PLAA: variants seen among roughly 807,000 people sequenced by gnomAD.
PLAA encodes the protein phospholipase A2 activating protein.
Under a neutral mutation model 84.1 loss-of-function variants are expected in PLAA, and 48 were observed. The ratio of observed to expected loss-of-function variants is 0.57; its 90% CI spans 0.45 to 0.73. The LOEUF (loss-of-function observed/expected upper bound fraction) is 0.73, where lower values mean the gene tolerates loss of function less well. PLAA is among the 30% of genes least tolerant of loss of function. PLAA has a pLI of 0.00. For missense variants in PLAA, 903 were observed against 954.7 expected, an observed-to-expected ratio of 0.95 and a Z score of 0.71; for synonymous variants, 392 against 336.6, an observed-to-expected ratio of 1.16 and a Z score of -1.80.
intron 1 of PLAA, among the ~76,000 whole-genome samples, chr9:26,943,187 G>C (rs889589221): frequency 5.3e-5 from 8 of 152,134 alleles, no homozygotes; most frequent in Admixed American, 4.6e-4. Flanking sequence ...AGCTTATAGA[G>C]ACCTGAAGTA....
At chr9:26,918,266 T>C (rs1354547739) in intron 9 of PLAA, among the ~76,000 whole-genome samples, 1 of 150,342 alleles carries the variant, frequency 6.7e-6, no homozygotes, top group Non-Finnish European at 1.5e-5. Context: ...CGCACATCCA[T>C]CACACCTGGC....
intron 1 of PLAA, among the ~76,000 whole-genome samples, chr9:26,935,885 A>G (rs900725360): frequency 2.0e-5 from 3 of 151,106 alleles, no homozygotes; most frequent in South Asian, 2.1e-4. Context: ...ATAATTATAT[A>G]TATCAATGAA....
At chr9:26,926,658 A>T in intron 4 of PLAA, 98 bp from the exon 5 acceptor site, 1 of 793,700 alleles carries the variant, frequency 1.3e-6, no homozygotes, top group Non-Finnish European at 1.9e-6. Context: ...AGTGAGTAGT[A>T]AAAATTAATT....
intron 6 of PLAA, among the ~76,000 whole-genome samples, chr9:26,925,378 C>T (rs1396256851): frequency 6.6e-6 from 1 of 152,228 alleles, no homozygotes; most frequent in African/African-American, 2.4e-5. Context: ...AGCATTAGTA[C>T]TCCACCATTT....
chr9:26,925,463 G>A (rs1252712142), intron 6 of PLAA, among the ~76,000 whole-genome samples: 1 of 152,112 alleles, frequency 6.6e-6, no homozygotes, highest in African/African-American at 2.4e-5. Flanking sequence ...AAAAATTTGC[G>A]TATCTTTTCT....
In PLAA at chr9:26,910,339, T is replaced by C; in HGVS notation, c.1656A>G (p.Leu552=). The C allele has an allele frequency of 6.3e-7, 1 of 1,599,308 alleles. No homozygotes were observed. The highest frequency in any genetic ancestry group is 8.6e-7 in the Non-Finnish European group (1 of 1,166,826). The change falls in exon 12 of 14, where the codon TTA becomes TTG. Residue 552 remains leucine (L), a splice_region_variant and synonymous_variant. Coordinates refer to ENST00000397292, the MANE Select transcript of PLAA (RefSeq NM_001031689.3). ...AATAAATTAATTAAAGAAACTTACC[T>C]AATATTTGTGTAGGGTTTGCTTGGT... ...TFDQANPTQI[L]GKLKELNGTA...
In PLAA at chr9:26,903,901, G is replaced by T. The variant is rs1240491932; in HGVS notation, c.*1610C>A. Among the ~76,000 whole-genome samples, 2 of 152,100 alleles carry T rather than the reference G, an allele frequency of 1.3e-5. No individual in the cohort carries two copies. The highest frequency in any genetic ancestry group is 2.4e-5 in the African/African-American group (1 of 41,424). ...AAGGTACCTACTTTTCCTAAATATTGCAATTAAATTATTTGTACTTAAGAA... is the reference window on the plus strand; with the variant it reads ...AAGGTACCTACTTTTCCTAAATATTTCAATTAAATTATTTGTACTTAAGAA... On this transcript the variant is annotated 3_prime_UTR_variant, in exon 14 of 14. Transcript: ENST00000397292.
At chr9:26,934,397 C>T (rs1825287278) in intron 2 of PLAA, among the ~76,000 whole-genome samples, 2 of 151,230 alleles carry the variant, frequency 1.3e-5, no homozygotes, top group South Asian at 2.1e-4. Flanking sequence ...TAAATGCATT[C>T]ATTGCATGAA....
intron 9 of PLAA, among the ~76,000 whole-genome samples, chr9:26,918,651 G>A (rs572426927): frequency 6.6e-6 from 1 of 152,236 alleles, no homozygotes; most frequent in South Asian, 2.1e-4. Flanking sequence ...GAAATGATGA[G>A]AGGAAAACAT....
intron 13 of PLAA, among the ~76,000 whole-genome samples, chr9:26,907,224 A>G (rs768686015): frequency 4.6e-5 from 7 of 152,044 alleles, no homozygotes; most frequent in Non-Finnish European, 8.8e-5. Context: ...CCAGGAATCC[A>G]CAAATGCTCT....
intron 1 of PLAA, among the ~76,000 whole-genome samples, chr9:26,937,276 G>A (rs1022956375): frequency 1.3e-5 from 2 of 152,122 alleles, no homozygotes; most frequent in Non-Finnish European, 1.5e-5. Flanking sequence ...GAAAGTGCAT[G>A]CCCAGGGAAA....
At chr9:26,944,180 G>A (rs1400381875) in intron 1 of PLAA, among the ~76,000 whole-genome samples, 3 of 152,144 alleles carry the variant, frequency 2.0e-5, no homozygotes. Context: ...TGCGCCTCTT[G>A]CTGTGTGCTC....
chr9:26,911,531 G>A (rs10812497), intron 11 of PLAA, among the ~76,000 whole-genome samples: 21,420 of 151,980 alleles, frequency 0.14, 2,302 homozygotes, highest in East Asian at 0.6. Context: ...CAGGTGATCC[G>A]CTCACCTCAG....
At chr9:26,911,619 C>G (rs115542002) in intron 11 of PLAA, among the ~76,000 whole-genome samples, 10,408 of 152,168 alleles carry the variant, frequency 0.068, 499 homozygotes, top group African/African-American at 0.13. Flanking sequence ...TTTTTTACAT[C>G]TTAAGTCTCT....
In PLAA at chr9:26,905,160, C is replaced by T; in HGVS notation, c.*351G>A. ...AAGTTAAATAAAAGATAATTGACAA[C>T]AACAGTTTGGTGTACATTAAGTAAT... On this transcript the variant is annotated 3_prime_UTR_variant, in exon 14 of 14. Transcript: ENST00000397292. 1 of 191,288 alleles carries T rather than the reference C, an allele frequency of 5.2e-6. No individual in the cohort carries two copies. Among genetic ancestry groups the T allele is most frequent in the South Asian group, 1.3e-4 (1 of 7,468 alleles). The allele number at this position is 191,288 out of a possible 1,614,324, so 11.8% of individuals were successfully genotyped here.
intron 2 of PLAA, among the ~76,000 whole-genome samples, chr9:26,931,506 T>G (rs1418571732): frequency 6.6e-6 from 1 of 152,180 alleles, no homozygotes; most frequent in Non-Finnish European, 1.5e-5. Context: ...AAAAAGATAT[T>G]GTGTGCTTCC....
intron 2 of PLAA, among the ~76,000 whole-genome samples, chr9:26,930,095 T>C (rs1419074308): frequency 1.3e-5 from 2 of 150,010 alleles, no homozygotes; most frequent in Admixed American, 1.3e-4. Flanking sequence ...CAGTGCCTTA[T>C]TATTATTATT....
At chr9:26,931,623 T>C (rs931278526) in intron 2 of PLAA, among the ~76,000 whole-genome samples, 3 of 151,944 alleles carry the variant, frequency 2.0e-5, no homozygotes, top group Admixed American at 6.6e-5. Flanking sequence ...ACAAGAAATA[T>C]AGGTGACTGA....
intron 2 of PLAA, among the ~76,000 whole-genome samples, chr9:26,933,554 C>T (rs10967609): frequency 0.08 from 12,107 of 151,750 alleles, 1,250 homozygotes; most frequent in East Asian, 0.55. Flanking sequence ...TATGGAAGGC[C>T]GAGGGGGGCA....
Sources: allele counts gnomAD v4.1 joint callset (sites outside exome capture counted in the v4.1 genomes callset), GRCh38; gene constraint gnomAD v4.1.1; transcripts MANE v1.5; gene names NCBI Gene and HGNC (gene_info 2026-07-23, HGNC 2026-07-21).